The following MRTFB variants were observed in gnomAD, a reference collection of about 807,000 sequenced individuals.
MRTFB encodes the protein myocardin-related transcription factor B.
Under a neutral mutation model 104.2 loss-of-function variants are expected in MRTFB, and 29 were observed. The observed-to-expected ratio is 0.28, with a 90% CI of 0.21 to 0.38. The LOEUF (loss-of-function observed/expected upper bound fraction) is 0.38. Among genes scored for constraint, MRTFB ranks in the 10% least tolerant of loss-of-function variants. The pLI is 1.00. For synonymous variants in MRTFB, 535 were observed against 519.5 expected (o/e 1.03, Z -0.41); for missense variants, 1,270 against 1,341.6 (o/e 0.95, Z 0.83).
the MRTFB span, among the ~76,000 whole-genome samples, chr16:14,058,950 C>T: frequency 6.6e-6 from 1 of 151,786 alleles, no homozygotes; most frequent in Non-Finnish European, 1.5e-5. Context: ...GAACTCCTGG[C>T]CTCAAGTGAT....
intron 1 of MRTFB, among the ~76,000 whole-genome samples, chr16:14,078,418 C>T (rs2034195584): frequency 2.0e-5 from 3 of 151,994 alleles, no homozygotes; most frequent in South Asian, 4.2e-4. Context: ...AAAGCTTATG[C>T]CCACCCCTCT....
the MRTFB span, chr16:14,013,321 C>T: frequency 1.3e-5 from 2 of 152,144 alleles, no homozygotes; most frequent in African/African-American, 2.4e-5. Context: ...AGCAGTGGCA[C>T]CAATTTATAA....
chr16:14,185,836 G>A, intron 3 of MRTFB, among the ~76,000 whole-genome samples: 1 of 152,308 alleles, frequency 6.6e-6, no homozygotes, highest in East Asian at 1.9e-4. Flanking sequence ...TATATCTGGA[G>A]TATTTGGAGA....
intron 2 of MRTFB, among the ~76,000 whole-genome samples, chr16:14,116,373 T>A (rs2036543295): frequency 6.6e-6 from 1 of 152,204 alleles, no homozygotes; most frequent in Non-Finnish European, 1.5e-5. Context: ...CCGTTGTGTT[T>A]GGGCAATGTC....
chr16:14,058,496 G>T, the MRTFB span, among the ~76,000 whole-genome samples: 8 of 151,976 alleles, frequency 5.3e-5, no homozygotes, highest in African/African-American at 1.7e-4. Flanking sequence ...CACAACGACT[G>T]TGTGAGGTAG....
At chr16:14,033,185 A>C in the MRTFB span, among the ~76,000 whole-genome samples, 37 of 152,118 alleles carry the variant, frequency 2.4e-4, no homozygotes, top group African/African-American at 7.7e-4. Flanking sequence ...GCATCGCTTG[A>C]ACTCAGGAGT....
At chr16:14,017,985 G>A in the MRTFB span, among the ~76,000 whole-genome samples, 2 of 151,716 alleles carry the variant, frequency 1.3e-5, no homozygotes, top group East Asian at 3.9e-4. Flanking sequence ...ACCTCCCAAA[G>A]TGCTGGGGTT....
the MRTFB span, chr16:14,009,300 G>T: frequency 6.6e-6 from 1 of 151,876 alleles, no homozygotes; most frequent in Non-Finnish European, 1.5e-5. Flanking sequence ...TCTTAATTTC[G>T]TTCTAAATTT....
At chr16:14,245,485 A>C (rs1278520450) in intron 10 of MRTFB, 43 bp from the exon 11 acceptor site, 1 of 1,547,010 alleles carries the variant, frequency 6.5e-7, no homozygotes, top group South Asian at 1.2e-5. Flanking sequence ...TCAAATCTAG[A>C]AATTATTTTA....
the MRTFB span, among the ~76,000 whole-genome samples, chr16:14,053,699 C>T: frequency 4.7e-5 from 7 of 148,158 alleles, no homozygotes; most frequent in Admixed American, 4.1e-4. Flanking sequence ...CACTGCACTC[C>T]AGCCTGAGTG....
intron 3 of MRTFB, among the ~76,000 whole-genome samples, chr16:14,156,757 C>T (rs2038843023): frequency 6.6e-6 from 1 of 152,114 alleles, no homozygotes. Flanking sequence ...CTCTTTTCCT[C>T]AGTATTTGAA....
intron 2 of MRTFB, among the ~76,000 whole-genome samples, chr16:14,120,438 A>G (rs1253456439): frequency 4.6e-5 from 7 of 152,112 alleles, no homozygotes; most frequent in African/African-American, 7.2e-5. Flanking sequence ...TTTTCAGTGT[A>G]GGTCTAATCC....
rs1332307051 is a variant in MRTFB, at chr16:14,263,176, T to A, written c.*1732T>A. Reference sequence around the variant, plus strand: ...CCAGACGGTTCAAGGCAGAGGCCACTGTGCTCAGTGTAGTCTGTGATGAAT... The same window carrying A: ...CCAGACGGTTCAAGGCAGAGGCCACAGTGCTCAGTGTAGTCTGTGATGAAT... On this transcript the variant is annotated 3_prime_UTR_variant, in exon 17 of 17. Transcript: ENST00000571589. 1.3e-5 allele frequency: 2 copies of A among 152,268 alleles called. No individual in the cohort carries two copies. Among genetic ancestry groups the A allele is most frequent in the Non-Finnish European group, 2.9e-5 (2 of 68,056 alleles). 9.4% of individuals were successfully genotyped at this position (152,268 alleles called of 1,614,324 possible). A position where few individuals can be genotyped will look rare whatever the true frequency, so the allele number is the denominator to read the frequency against.
chr16:14,016,821 C>A, the MRTFB span, among the ~76,000 whole-genome samples: 1 of 148,892 alleles, frequency 6.7e-6, no homozygotes, highest in Admixed American at 6.7e-5. Flanking sequence ...ATTCCCAGGC[C>A]GTATGGTGGT....
intron 2 of MRTFB, among the ~76,000 whole-genome samples, chr16:14,094,781 G>A (rs986680077): frequency 2.0e-5 from 3 of 152,144 alleles, no homozygotes; most frequent in Non-Finnish European, 4.4e-5. Context: ...TGGAAAGCAG[G>A]GCTGGCGCTC....
At chr16:14,045,351 G>A in the MRTFB span, among the ~76,000 whole-genome samples, 63 of 152,274 alleles carry the variant, frequency 4.1e-4, no homozygotes, top group African/African-American at 1.4e-3. Flanking sequence ...CCTAGATCCC[G>A]ACACAGCTGA....
At chr16:14,166,248 T>A (rs1253020294) in intron 3 of MRTFB, among the ~76,000 whole-genome samples, 5 of 150,764 alleles carry the variant, frequency 3.3e-5, no homozygotes, top group Non-Finnish European at 7.4e-5. Context: ...CAACATCTTA[T>A]TTTGAAACAA....
intron 15 of MRTFB, among the ~76,000 whole-genome samples, chr16:14,254,336 T>G (rs2043387745): frequency 6.6e-6 from 1 of 152,072 alleles, no homozygotes; most frequent in African/African-American, 2.4e-5. Context: ...CATTGAAGAG[T>G]AAATAGAAGC....
rs2043780070 is a variant in MRTFB, at chr16:14,261,531, G to C, written c.*87G>C. On this transcript the variant is annotated 3_prime_UTR_variant, in exon 17 of 17. Coordinates refer to ENST00000571589, the MANE Select transcript of MRTFB (RefSeq NM_001308142.2). ...AGTTTTTAGAGATAGATCTATAGTT[G>C]CATTGTTGCAATCAAAATATGTTGT... The C allele has an allele frequency of 3.1e-6, 4 of 1,303,244 alleles. No individual in the cohort carries two copies. Among genetic ancestry groups the C allele is most frequent in the Non-Finnish European group, 4.2e-6 (4 of 949,358 alleles). The allele number at this position is 1,303,244 out of a possible 1,614,324, so 80.7% of individuals were successfully genotyped here.
Sources: allele counts gnomAD v4.1 joint callset (sites outside exome capture counted in the v4.1 genomes callset), GRCh38; gene constraint gnomAD v4.1.1; transcripts MANE v1.5; gene names NCBI Gene and HGNC (gene_info 2026-07-23, HGNC 2026-07-21).